The following TRIOBP variants were observed in gnomAD, a reference collection of about 807,000 sequenced individuals.
TRIOBP encodes TRIO and F-actin binding protein.
TRIOBP carries 169 observed loss-of-function variants against 238.8 expected under a neutral mutation model. The ratio of observed to expected loss-of-function variants is 0.71; its 90% CI spans 0.62 to 0.80. TRIOBP has a LOEUF of 0.80. TRIOBP is among the 30% of genes least tolerant of loss of function. The probability of loss-of-function intolerance (pLI) is 0.00; values close to 1 mark genes in which losing one functional copy is unlikely to be tolerated. For missense variants in TRIOBP, 2,838 were observed against 3,122.6 expected (o/e 0.91, Z 2.17); for synonymous variants, 1,150 against 1,274.4 (o/e 0.90, Z 2.08).
chr22:37,747,830 C>T (rs1162157259), intron 11 of TRIOBP, among the ~76,000 whole-genome samples: 1 of 152,250 alleles, frequency 6.6e-6, no homozygotes, highest in Non-Finnish European at 1.5e-5. Context: ...CAGTGAGTCC[C>T]AGGCTAAGCC....
At chr22:37,731,310 A>G (rs1440655352) in intron 7 of TRIOBP, among the ~76,000 whole-genome samples, 1 of 151,716 alleles carries the variant, frequency 6.6e-6, no homozygotes, top group Admixed American at 6.6e-5. Flanking sequence ...GCTCATTAAA[A>G]AAATTTTTTT....
intron 18 of TRIOBP, 25 bp from the exon 19 acceptor site, chr22:37,768,049 T>C (rs1926588400): frequency 1.3e-6 from 2 of 1,596,194 alleles, no homozygotes; most frequent in African/African-American, 2.7e-5. Context: ...CCAGTCTCTC[T>C]TGTGCCTCTC....
chr22:37,765,226 G>A (rs925621623), intron 17 of TRIOBP, among the ~76,000 whole-genome samples: 8 of 152,210 alleles, frequency 5.3e-5, no homozygotes, highest in Non-Finnish European at 1.0e-4. Flanking sequence ...GTTGCAGTGA[G>A]CTGAGATTGC....
At position 37,725,157 on chromosome 22, in the gene TRIOBP, C is replaced by G. The variant is rs1472583982; in HGVS notation, c.2601C>G (p.Ser867=). 6.2e-7 allele frequency: 1 copy of G among 1,614,064 alleles called. No individual in the cohort carries two copies. The highest frequency in any genetic ancestry group is 1.7e-5 in the Admixed American group (1 of 60,002). Residue 867 remains serine, a synonymous_variant, in exon 7 of 24, where the codon TCC becomes TCG. Transcript: ENST00000644935. ...FSFQRDNPGT[S]SSQCCTQKEN... ...TTCAACGAGACAACCCTGGAACCTC[C>G]TCATCTCAATGCTGCACCCAAAAGG... is the stretch of plus-strand genomic sequence containing the variant.
chr22:37,722,294 G>C (rs975563024), intron 6 of TRIOBP, among the ~76,000 whole-genome samples: 3 of 152,146 alleles, frequency 2.0e-5, no homozygotes, highest in Non-Finnish European at 4.4e-5. Context: ...TGGGCATAGT[G>C]GTGCATGCCT....
rs950948012 is a variant in TRIOBP, at chr22:37,733,167, TAGG to T, written c.3948-130_3948-128del. 4.4e-5 allele frequency: 32 copies of T among 725,654 alleles called. 1 individual carries two copies. The highest frequency in any genetic ancestry group is 5.2e-4 in the Middle Eastern group (2 of 3,812). The allele number at this position is 725,654 out of a possible 1,614,324, so 45.0% of individuals were successfully genotyped here. A position where few individuals can be genotyped will look rare whatever the true frequency, so the allele number is the denominator to read the frequency against. ...TAAGGCCCTGAGAGTCATCCTCACT[TAGG>T]GCCCTTCAACGAGCTTGCAGTGGGT... On this transcript the variant is annotated intron_variant, in intron 7 of 23. Transcript: ENST00000644935.
intron 11 of TRIOBP, among the ~76,000 whole-genome samples, chr22:37,745,080 C>G (rs1201037571): frequency 1.3e-5 from 2 of 152,002 alleles, no homozygotes; most frequent in African/African-American, 4.8e-5. Flanking sequence ...GGCCAGTCTG[C>G]TCTTGAACTC....
At position 37,726,378 on chromosome 22, in the gene TRIOBP, C is replaced by T. The variant is rs373441452; in HGVS notation, c.3822C>T (p.Ala1274=). 2.4e-5 allele frequency: 38 copies of T among 1,591,374 alleles called. No homozygotes were observed. Among genetic ancestry groups the T allele is most frequent in the Non-Finnish European group, 2.9e-5 (34 of 1,168,472 alleles). The change falls in exon 7 of 24, where the codon GCC becomes GCT. Residue 1274 remains alanine, a synonymous_variant. Transcript: ENST00000644935. The part of the protein sequence containing the change: ...NLEREEYTVL[A]DLPPPRRLAQ... ...AGCGGGAGGAGTACACTGTGCTGGCCGACCTGCCCCCACCCAGGAGGCTGG... is the reference window on the plus strand; with the variant it reads ...AGCGGGAGGAGTACACTGTGCTGGCTGACCTGCCCCCACCCAGGAGGCTGG...
intron 3 of TRIOBP, among the ~76,000 whole-genome samples, chr22:37,701,974 A>C (rs907426768): frequency 2.0e-5 from 3 of 152,092 alleles, no homozygotes; most frequent in Non-Finnish European, 4.4e-5. Context: ...ATGGTGGTGC[A>C]TGCCTGTAAT....
intron 22 of TRIOBP, 51 bp from the exon 23 acceptor site, chr22:37,772,550 A>G: frequency 6.2e-7 from 1 of 1,612,996 alleles, no homozygotes. Context: ...CCCGGTTGGC[A>G]GGGCTGGAGG....
rs1014045383 is a variant in TRIOBP at position 37,709,710 on chromosome 22, C to A, written c.115-717C>A. Among the ~76,000 whole-genome samples the A allele has an allele frequency of 2.6e-5, 4 of 152,166 alleles. No individual in the cohort carries two copies. The South Asian group carries it at 8.3e-4, about 31-fold the overall frequency. Reference sequence around the variant, plus strand: ...GGGGCCCTGGAGGTGAGCAGCCGTTCCCCCCTGGTGAGCCCAGCACCAGAC... The same window carrying A: ...GGGGCCCTGGAGGTGAGCAGCCGTTACCCCCTGGTGAGCCCAGCACCAGAC... On this transcript the variant is annotated intron_variant, in intron 3 of 23. Transcript: ENST00000644935.
At chr22:37,715,442 A>G (rs1923462636) in intron 5 of TRIOBP, among the ~76,000 whole-genome samples, 1 of 152,046 alleles carries the variant, frequency 6.6e-6, no homozygotes, top group Non-Finnish European at 1.5e-5. Context: ...TCCCAGGTTC[A>G]CACCATTCTC....
intron 3 of TRIOBP, among the ~76,000 whole-genome samples, chr22:37,706,886 G>C (rs768125161): frequency 6.6e-6 from 1 of 152,184 alleles, no homozygotes; most frequent in Non-Finnish European, 1.5e-5. Context: ...AAATGCATGA[G>C]GGGTGACTGT....
At position 37,754,256 on chromosome 22, in the gene TRIOBP, A is replaced by G. The variant is rs1274187584; in HGVS notation, c.5380-621A>G. Among the ~76,000 whole-genome samples the G allele has an allele frequency of 4.6e-5, 7 of 151,998 alleles. No individual in the cohort carries two copies. In the East Asian group the frequency reaches 1.2e-3, roughly 25 times the overall value. ...GAAACCCTATCTCTACTAAAAATAC[A>G]AGAAATTAGCTGAGCATGATGGCGG... On this transcript the variant is annotated intron_variant, in intron 12 of 23. Coordinates refer to ENST00000644935, the MANE Select transcript of TRIOBP (RefSeq NM_001039141.3).
rs756611611 is a variant in TRIOBP, at chr22:37,726,356, G to A, written c.3800G>A (p.Arg1267Gln). The A allele has an allele frequency of 2.2e-5, 35 of 1,608,502 alleles. No homozygotes were observed. The highest frequency in any genetic ancestry group is 1.6e-4 in the Middle Eastern group (1 of 6,066). The change falls in exon 7 of 24, where the codon CGG becomes CAG. Residue 1267 changes from arginine (R) to glutamine (Q), a missense_variant. Transcript: ENST00000644935. ...GGGGAGACCAGGCACAACTTGGAGCGGGAGGAGTACACTGTGCTGGCCGAC... is the reference window on the plus strand; with the variant it reads ...GGGGAGACCAGGCACAACTTGGAGCAGGAGGAGTACACTGTGCTGGCCGAC... Reference protein sequence around the residue: ...PPGETRHNLEREEYTVLADLP... With the variant: ...PPGETRHNLEQEEYTVLADLP...
In TRIOBP at chr22:37,743,113, C is replaced by T. The variant is rs547555296; in HGVS notation, c.5322+2081C>T. ...ACAGATTTTCCCCATTAGAAAGATG[C>T]GGCAACCGAGGCTTGGTGAGGTTGG... is the stretch of plus-strand genomic sequence containing the variant. On this transcript the variant is annotated intron_variant, in intron 11 of 23. Transcript: ENST00000644935. Among the ~76,000 whole-genome samples, 5 of 152,300 alleles carry T rather than the reference C, an allele frequency of 3.3e-5. No individual in the cohort carries two copies. In the South Asian group the frequency reaches 6.2e-4, roughly 19 times the overall value.
chr22:37,720,703 G>T (rs1032456024), intron 6 of TRIOBP, among the ~76,000 whole-genome samples: 1 of 152,016 alleles, frequency 6.6e-6, no homozygotes, highest in African/African-American at 2.4e-5. Context: ...CGTAGAGATG[G>T]GGGCTCACTA....
intron 18 of TRIOBP, among the ~76,000 whole-genome samples, 178 bp from the exon 19 acceptor site, chr22:37,767,896 G>A (rs547281233): frequency 1.3e-5 from 2 of 152,282 alleles, no homozygotes; most frequent in South Asian, 2.1e-4. Context: ...GGCTACTCTA[G>A]ACTCCTGGTT....
At chr22:37,739,956 A>T (rs1285578067) in intron 10 of TRIOBP, among the ~76,000 whole-genome samples, 1 of 152,196 alleles carries the variant, frequency 6.6e-6, no homozygotes, top group Non-Finnish European at 1.5e-5. Flanking sequence ...CAGAACTGAT[A>T]ACCACCTCAT....
Sources: allele counts gnomAD v4.1 joint callset (sites outside exome capture counted in the v4.1 genomes callset), GRCh38; gene constraint gnomAD v4.1.1; transcripts MANE v1.5; gene names NCBI Gene and HGNC (gene_info 2026-07-23, HGNC 2026-07-21).